The following ERBB4 variants were observed in gnomAD, a reference collection of about 807,000 sequenced individuals.
The protein encoded by ERBB4 is receptor tyrosine-protein kinase erbB-4.
In ERBB4, 42 loss-of-function variants were observed where a neutral mutation model predicts 158.0. The observed-to-expected ratio is 0.27, with a 90% confidence interval of 0.21 to 0.34. The LOEUF (loss-of-function observed/expected upper bound fraction) is 0.34, where lower values mean the gene tolerates loss of function less well. ERBB4 is among the 10% of genes least tolerant of loss of function. ERBB4 has a pLI of 1.00. For synonymous variants in ERBB4, 583 were observed against 558.7 expected, an observed-to-expected ratio of 1.04 and a Z score of -0.61; for missense variants, 1,333 against 1,624.1, an observed-to-expected ratio of 0.82 and a Z score of 3.08.
chr2:211,773,633 T>TATATATATATATATA (rs1559506367), intron 4 of ERBB4, among the ~76,000 whole-genome samples: 164 of 102,728 alleles, frequency 1.6e-3, no homozygotes, highest in African/African-American at 5.8e-3. Flanking sequence ...TATATATATA[T>TATATATATATATATA]ATATATATAT....
At chr2:211,975,045 A>T (rs1261469764) in intron 2 of ERBB4, among the ~76,000 whole-genome samples, 1 of 152,034 alleles carries the variant, frequency 6.6e-6, no homozygotes, top group Non-Finnish European at 1.5e-5. Context: ...CTGCAGTGGC[A>T]CAATCGCAGC....
chr2:212,006,848 T>C (rs1045929528), intron 2 of ERBB4, among the ~76,000 whole-genome samples: 2 of 152,092 alleles, frequency 1.3e-5, no homozygotes, highest in Admixed American at 6.6e-5. Flanking sequence ...AATAACACTG[T>C]ATTTTATTGA....
rs943824646 is a variant in ERBB4, at chr2:212,001,702, A to C, written c.235-54086T>G. Among the ~76,000 whole-genome samples the C allele has an allele frequency of 2.0e-5, 3 of 152,194 alleles. No homozygotes were observed. The East Asian group carries it at 5.8e-4, about 29-fold the overall frequency. Reference sequence around the variant, plus strand: ...ATCTCAGTCCAGCAGAATCAACTCCAAAGTGATGGCAAGAAAAAGAACTGT... The same window carrying C: ...ATCTCAGTCCAGCAGAATCAACTCCCAAGTGATGGCAAGAAAAAGAACTGT... On this transcript the variant is annotated intron_variant, in intron 2 of 27. Transcript: ENST00000342788.
chr2:212,527,790 G>C (rs971801193), intron 1 of ERBB4, among the ~76,000 whole-genome samples: 1 of 151,174 alleles, frequency 6.6e-6, no homozygotes, highest in Non-Finnish European at 1.5e-5. Flanking sequence ...TGCCATGCTG[G>C]TGTGCTGCAC....
chr2:211,746,679 A>T (rs924061836), intron 5 of ERBB4, among the ~76,000 whole-genome samples: 1 of 151,926 alleles, frequency 6.6e-6, no homozygotes, highest in Non-Finnish European at 1.5e-5. Flanking sequence ...AAGTACAAAA[A>T]ATTAGCCAGG....
intron 2 of ERBB4, among the ~76,000 whole-genome samples, chr2:212,022,924 T>C (rs955386212): frequency 7.2e-5 from 11 of 152,136 alleles, no homozygotes; most frequent in African/African-American, 2.2e-4. Flanking sequence ...AATTACTTTA[T>C]GTGGAAGTAA....
intron 1 of ERBB4, among the ~76,000 whole-genome samples, chr2:212,276,956 G>A (rs575233333): frequency 7.2e-5 from 11 of 151,822 alleles, no homozygotes; most frequent in South Asian, 2.1e-4. Flanking sequence ...ACGGTGAACC[G>A]GCAACCTTAG....
intron 2 of ERBB4, among the ~76,000 whole-genome samples, chr2:211,978,730 C>A (rs2081703751): frequency 6.6e-6 from 1 of 152,072 alleles, no homozygotes; most frequent in Non-Finnish European, 1.5e-5. Context: ...TCCTAAGTAC[C>A]ATACTCAATT....
At chr2:212,086,165 A>C (rs573059317) in intron 2 of ERBB4, among the ~76,000 whole-genome samples, 2 of 152,084 alleles carry the variant, frequency 1.3e-5, no homozygotes, top group African/African-American at 4.8e-5. Context: ...GGGTATCTTA[A>C]CTGAAGGATA....
chr2:211,864,857 A>C (rs1213129723), intron 3 of ERBB4, among the ~76,000 whole-genome samples: 1 of 151,958 alleles, frequency 6.6e-6, no homozygotes, highest in Non-Finnish European at 1.5e-5. Flanking sequence ...CTAAAAATAC[A>C]AAAATTAGCT....
In ERBB4 at chr2:211,431,058, A is replaced by G; in HGVS notation, c.2530T>C (p.Leu844=). 6.2e-7 allele frequency: 1 copy of G among 1,613,996 alleles called. No individual in the cohort carries two copies. The highest frequency in any genetic ancestry group is 2.2e-5 in the East Asian group (1 of 44,868). The change falls in exon 21 of 28, where the codon TTG becomes CTG. Residue 844 remains leucine, a synonymous_variant. Transcript: ENST00000342788. ...LEERRLVHRD[L]AARNVLVKSP... ...TTCACTAAGACATTACGGGCTGCCAAATCCCGATGAACGAGTCGTCTTTCT... is the reference window on the plus strand; with the variant it reads ...TTCACTAAGACATTACGGGCTGCCAGATCCCGATGAACGAGTCGTCTTTCT...
chr2:212,414,732 G>C (rs544651078), intron 1 of ERBB4, among the ~76,000 whole-genome samples: 1 of 152,070 alleles, frequency 6.6e-6, no homozygotes. Flanking sequence ...TGTTTCATAT[G>C]AATCTAAACT....
chr2:212,240,260 C>T (rs2084034206), intron 1 of ERBB4, among the ~76,000 whole-genome samples: 1 of 152,120 alleles, frequency 6.6e-6, no homozygotes. Context: ...TCACTCTCAC[C>T]TTCCCCTCAC....
intron 13 of ERBB4, among the ~76,000 whole-genome samples, chr2:211,673,809 G>A (rs2071946535): frequency 6.6e-6 from 1 of 151,960 alleles, no homozygotes; most frequent in Non-Finnish European, 1.5e-5. Flanking sequence ...GAGAATTAGA[G>A]AAAACATCTT....
chr2:212,202,329 G>GT (rs2082610997), intron 1 of ERBB4, among the ~76,000 whole-genome samples: 1 of 152,042 alleles, frequency 6.6e-6, no homozygotes, highest in Non-Finnish European at 1.5e-5. Flanking sequence ...CTGAGGATAT[G>GT]TTTTGACATG....
At chr2:212,065,343 G>A (rs2077911137) in intron 2 of ERBB4, among the ~76,000 whole-genome samples, 1 of 151,962 alleles carries the variant, frequency 6.6e-6, no homozygotes, top group Admixed American at 6.6e-5. Flanking sequence ...ACCATATTAA[G>A]GTGAACCATG....
chr2:211,803,750 T>C (rs545840097), intron 3 of ERBB4, among the ~76,000 whole-genome samples: 221 of 152,356 alleles, frequency 1.5e-3, no homozygotes, highest in African/African-American at 3.7e-3. Context: ...TATTGAATAA[T>C]TGTATCTGTG....
At chr2:211,553,648 T>C (rs1197094935) in intron 20 of ERBB4, among the ~76,000 whole-genome samples, 1 of 152,164 alleles carries the variant, frequency 6.6e-6, no homozygotes, top group Admixed American at 6.5e-5. Flanking sequence ...ACAAATATCA[T>C]CTTATCCTTA....
chr2:211,589,085 C>A (rs975861428), intron 19 of ERBB4, among the ~76,000 whole-genome samples: 1 of 152,128 alleles, frequency 6.6e-6, no homozygotes, highest in African/African-American at 2.4e-5. Flanking sequence ...TTATCACAGG[C>A]AATTATCAGC....
Sources: gnomAD v4.1 joint callset for allele counts (sites outside exome capture counted in the v4.1 genomes callset) on GRCh38, gnomAD v4.1.1 for gene constraint, MANE v1.5 for transcripts, NCBI Gene and HGNC (gene_info 2026-07-23, HGNC 2026-07-21) for gene names.